PALB2: variants seen among roughly 807,000 people sequenced by gnomAD.
The protein encoded by PALB2 is partner and localizer of BRCA2, also known as mutant partner and localizer of BRCA2.
A neutral mutation model predicts 107.4 loss-of-function variants in PALB2; 82 were observed. The ratio of observed to expected loss-of-function variants is 0.76; its 90% CI spans 0.64 to 0.92. PALB2 has a LOEUF of 0.92. PALB2 is among the 40% of genes least tolerant of loss of function. The pLI, the probability that PALB2 is intolerant of heterozygous loss-of-function variation, is 0.00. For missense variants in PALB2, 1,374 were observed against 1,379.9 expected (o/e 1.00, Z 0.07); for synonymous variants, 489 against 496.8 (o/e 0.98, Z 0.21).
At chr16:23,625,856 C>CTGGGACA (rs767125533) in intron 7 of PALB2, among the ~76,000 whole-genome samples, 5 of 151,568 alleles carry the variant, frequency 3.3e-5, no homozygotes, top group Non-Finnish European at 7.4e-5. Context: ...TGGTGCATGC[C>CTGGGACA]TGTGGTCCCA....
intron 7 of PALB2, among the ~76,000 whole-genome samples, chr16:23,625,408 T>C (rs1966840533): frequency 6.6e-6 from 1 of 151,950 alleles, no homozygotes; most frequent in East Asian, 1.9e-4. Flanking sequence ...TTCACACCTG[T>C]AATCCCCAGC....
At position 23,613,994 on chromosome 16, in the gene PALB2, C is replaced by A; in HGVS notation, c.3201+10G>T. The A allele has an allele frequency of 1.9e-6, 3 of 1,601,410 alleles. No individual in the cohort carries two copies. The South Asian group carries it at 3.3e-5, about 18-fold the overall frequency. Reference sequence around the variant, plus strand: ...AACACACAAAGTGGTCCCAGCCAGTCATTACTTACCATTTCAGAATAGGCT... The same window carrying A: ...AACACACAAAGTGGTCCCAGCCAGTAATTACTTACCATTTCAGAATAGGCT... On this transcript the variant is annotated intron_variant, in intron 11 of 12. Transcript: ENST00000261584.
Position 23,603,247 on chromosome 16 carries a change from A to T in PALB2, c.*212T>A. On this transcript the variant is annotated 3_prime_UTR_variant, in exon 13 of 13. Transcript: ENST00000261584. ...ATGTACAAATGTGGGAAATTACAAAAATCAACCTAAAACCCTTTTTCTCAA... is the reference window on the plus strand; with the variant it reads ...ATGTACAAATGTGGGAAATTACAAATATCAACCTAAAACCCTTTTTCTCAA... 1 of 533,224 alleles carries T rather than the reference A, an allele frequency of 1.9e-6. No homozygotes were observed. The highest frequency in any genetic ancestry group is 3.4e-6 in the Non-Finnish European group (1 of 298,120). 33.0% of individuals were successfully genotyped at this position (533,224 alleles called of 1,614,324 possible). A position where few individuals can be genotyped will look rare whatever the true frequency, so the allele number is the denominator to read the frequency against.
chr16:23,621,002 A>G (rs1966761770), intron 10 of PALB2, among the ~76,000 whole-genome samples: 1 of 152,216 alleles, frequency 6.6e-6, no homozygotes, highest in Non-Finnish European at 1.5e-5. Context: ...TGAGGCCAGG[A>G]GTTCAAGACC....
At chr16:23,630,573 A>T (rs1966868714) in intron 4 of PALB2, 104 bp from the exon 5 acceptor site, 1 of 943,050 alleles carries the variant, frequency 1.1e-6, no homozygotes, top group Non-Finnish European at 1.6e-6. Context: ...TTTAAAAGAA[A>T]CATTTTAATG....
Position 23,635,617 on chromosome 16 carries a change from C to T in PALB2, c.929G>A (p.Ser310Asn), listed in dbSNP as rs370887726. 11 of 1,613,916 alleles carry T rather than the reference C, an allele frequency of 6.8e-6. No individual in the cohort carries two copies. In the African/African-American group the frequency reaches 1.2e-4, roughly 18 times the overall value. Reference sequence around the variant, plus strand: ...ACTTGTGGGCAGTTGGCCACTTTTACTTATAGCTTTATTTACAAGGAGGTT... The same window carrying T: ...ACTTGTGGGCAGTTGGCCACTTTTATTTATAGCTTTATTTACAAGGAGGTT... ...TDNLLVNKAI[S>N]KSGQLPTSSN... Residue 310 changes from serine to asparagine, a missense_variant, in exon 4 of 13, where the codon AGT becomes AAT. Physicochemically the swap from Ser to Asn is conservative, Grantham distance 46. Transcript: ENST00000261584.
chr16:23,637,566 G>A (rs1967091616), intron 3 of PALB2, among the ~76,000 whole-genome samples: 2 of 152,014 alleles, frequency 1.3e-5, no homozygotes, highest in South Asian at 2.1e-4. Flanking sequence ...AGTCAGGTGT[G>A]GTAGTGCACG....
Position 23,630,462 on chromosome 16 carries a change from T to C in PALB2, c.1692A>G (p.Lys564=), listed in dbSNP as rs786201842. The C allele has an allele frequency of 6.2e-7, 1 of 1,610,688 alleles. No homozygotes were observed. The highest frequency in any genetic ancestry group is 8.5e-7 in the Non-Finnish European group (1 of 1,177,804). ...EKLFIQVKGK[K]SRHQKEDSLS... is the part of the protein sequence containing the mutation. ...GGGAATCCTCTTTTTGATGACGACT[T>C]TTCTTCCCTAAAGAAGAAAAATAAG... is the stretch of plus-strand genomic sequence containing the variant. Residue 564 remains lysine (K), a synonymous_variant, in exon 5 of 13, where the codon AAA becomes AAG. Coordinates refer to ENST00000261584, the MANE Select transcript of PALB2 (RefSeq NM_024675.4).
In PALB2 at chr16:23,636,334, T is replaced by A. The variant is rs1555461877; in HGVS notation, c.212A>T (p.Glu71Val). 6.3e-7 allele frequency: 1 copy of A among 1,591,378 alleles called. No individual in the cohort carries two copies. The highest frequency in any genetic ancestry group is 8.6e-7 in the Non-Finnish European group (1 of 1,167,352). ...QDLSPQLKHS[E>V]PKNKICVYDK... ...ATAAACACATATTTTATTTTTAGGT[T>A]CTGAGGAGGAAAAAAATGTATATAA... The change falls in exon 4 of 13, where the codon GAA becomes GTA. Residue 71 changes from glutamate (E) to valine (V), a missense_variant and splice_region_variant. Physicochemically the swap from Glu to Val is moderately radical, Grantham distance 121. Transcript: ENST00000261584.
chr16:23,608,971 G>C (rs1045624247), intron 11 of PALB2, among the ~76,000 whole-genome samples: 35 of 151,884 alleles, frequency 2.3e-4, no homozygotes, highest in Non-Finnish European at 2.9e-5. Flanking sequence ...GGGATTACAG[G>C]TATGCGCCAC....
chr16:23,639,985 A>G (rs915176337), intron 1 of PALB2, among the ~76,000 whole-genome samples: 1 of 151,994 alleles, frequency 6.6e-6, no homozygotes, highest in Non-Finnish European at 1.5e-5. Context: ...CCCCTGGTTC[A>G]AGCGATTCTC....
chr16:23,606,821 C>CTTTTTTTTTTTTTTTT (rs545664784), intron 12 of PALB2, among the ~76,000 whole-genome samples: 1 of 108,592 alleles, frequency 9.2e-6, no homozygotes, highest in African/African-American at 3.9e-5. Flanking sequence ...CTGCACCCTG[C>CTTTTTTTTTTTTTTTT]TTTTTTTTTT....
At position 23,630,033 on chromosome 16, in the gene PALB2, A is replaced by G; in HGVS notation, c.2121T>C (p.Pro707=). 6.2e-7 allele frequency: 1 copy of G among 1,614,194 alleles called. No homozygotes were observed. Among genetic ancestry groups the G allele is most frequent in the Non-Finnish European group, 8.5e-7 (1 of 1,180,036 alleles). Residue 707 remains proline (P), a synonymous_variant, in exon 5 of 13, where the codon CCT becomes CCC. Transcript: ENST00000261584. ...TATCATCAGGCGCAACCGTATTTAA[A>G]GGAGTATAAAGTAATATGGATGAAG... ...GLSSSILLYT[P]LNTVAPDDND...
intron 7 of PALB2, among the ~76,000 whole-genome samples, chr16:23,625,483 T>C (rs952184801): frequency 6.6e-6 from 1 of 151,646 alleles, no homozygotes; most frequent in African/African-American, 2.4e-5. Flanking sequence ...CCAGGCGACA[T>C]GGCAAAACCC....
At chr16:23,632,832 G>T (rs531588997) in intron 4 of PALB2, among the ~76,000 whole-genome samples, 10 of 152,154 alleles carry the variant, frequency 6.6e-5, no homozygotes, top group Admixed American at 1.3e-4. Context: ...GGTGGCTCAC[G>T]CCTGTAATCC....
intron 6 of PALB2, among the ~76,000 whole-genome samples, chr16:23,627,688 A>G (rs1178754295): frequency 6.6e-6 from 1 of 152,114 alleles, no homozygotes; most frequent in Admixed American, 6.5e-5. Flanking sequence ...CTAGAAAACC[A>G]AACAACAACA....
intron 4 of PALB2, among the ~76,000 whole-genome samples, chr16:23,633,076 A>G (rs749026621): frequency 2.0e-5 from 3 of 152,316 alleles, no homozygotes; most frequent in Admixed American, 6.5e-5. Flanking sequence ...CCGGGGCGAC[A>G]AGGGTGAAAC....
chr16:23,621,220 A>G (rs1839801186), intron 10 of PALB2, 142 bp downstream of exon 10: 2 of 703,882 alleles, frequency 2.8e-6, no homozygotes, highest in African/African-American at 3.5e-5. Flanking sequence ...AAAACACAAC[A>G]AAAACAACAA....
chr16:23,603,868 GC>G (rs1200405948), intron 12 of PALB2, among the ~76,000 whole-genome samples, 199 bp from the exon 13 acceptor site: 1 of 152,156 alleles, frequency 6.6e-6, no homozygotes, highest in Non-Finnish European at 1.5e-5. Context: ...TCCAGTTCCT[GC>G]CAATCTCTCT....
Sources: gnomAD v4.1 joint callset for allele counts (sites outside exome capture counted in the v4.1 genomes callset) on GRCh38, gnomAD v4.1.1 for gene constraint, MANE v1.5 for transcripts, NCBI Gene and HGNC (gene_info 2026-07-23, HGNC 2026-07-21) for gene names.